IRX1: variants seen among roughly 807,000 people sequenced by gnomAD.
The protein encoded by IRX1 is iroquois-class homeodomain protein IRX-1.
IRX1 carries 22 observed loss-of-function variants against 34.1 expected under a neutral mutation model. That is an observed-to-expected ratio of 0.64 (90% confidence interval 0.46 to 0.92). IRX1 has a LOEUF of 0.92. Among genes scored for constraint, IRX1 ranks in the 40% least tolerant of loss-of-function variants. IRX1 has a pLI of 0.00. For synonymous variants in IRX1, 363 were observed against 319.0 expected (o/e 1.14, Z -1.47); for missense variants, 758 against 680.0 (o/e 1.11, Z -1.28).
At chr5:3,600,383 G>C (rs1455726746) in intron 2 of IRX1, 123 bp downstream of exon 2, 1 of 1,049,944 alleles carries the variant, frequency 9.5e-7, no homozygotes, top group African/African-American at 1.6e-5. Context: ...GAGCCCTGGG[G>C]CTGCGCTTAA....
chr5:3,601,184 CT>C lies in IRX1; in HGVS notation c.*145del. 1 of 817,626 alleles carries C rather than the reference CT, an allele frequency of 1.2e-6. No homozygotes were observed. The allele number at this position is 817,626 out of a possible 1,614,324, so 50.6% of individuals were successfully genotyped here. ...GTCAAGGACTCGCATCCGTCGCTTTCTGCAGAAAGGGGCTTCTTCGGTCCCG... is the reference window on the plus strand; with the variant it reads ...GTCAAGGACTCGCATCCGTCGCTTTCGCAGAAAGGGGCTTCTTCGGTCCCG... On this transcript the variant is annotated 3_prime_UTR_variant, in exon 4 of 4. Transcript: ENST00000302006.
At chr5:3,600,822 C>G (rs530294741) in intron 3 of IRX1, 141 bp downstream of exon 3, 1 of 1,144,498 alleles carries the variant, frequency 8.7e-7, no homozygotes, top group Admixed American at 1.9e-5. Flanking sequence ...CAGCCCTGGG[C>G]GCCGGGCGAG....
rs1455252400 is a variant in IRX1, at chr5:3,601,139, A to G, written c.*99A>G. The G allele has an allele frequency of 1.8e-6, 2 of 1,121,532 alleles. No homozygotes were observed. The highest frequency in any genetic ancestry group is 4.9e-5 in the East Asian group (2 of 40,540). 69.5% of individuals were successfully genotyped at this position (1,121,532 alleles called of 1,614,324 possible). A position where few individuals can be genotyped will look rare whatever the true frequency, so the allele number is the denominator to read the frequency against. ...AGACAAATATTTCAGACTGGTGTAA[A>G]GGACAAATATGACAACGACGTCAAG... On this transcript the variant is annotated 3_prime_UTR_variant, in exon 4 of 4. Transcript: ENST00000302006.
chr5:3,599,355 G>A lies in IRX1; in HGVS notation c.407G>A (p.Arg136His). The A allele has an allele frequency of 6.2e-7, 1 of 1,614,076 alleles. No individual in the cohort carries two copies. The highest frequency in any genetic ancestry group is 8.5e-7 in the Non-Finnish European group (1 of 1,180,020). ...CCCGGGCGGCCCAAGAACGCCACCCGCGAGAGCACCAGCACGCTCAAGGCC... is the reference window on the plus strand; with the variant it reads ...CCCGGGCGGCCCAAGAACGCCACCCACGAGAGCACCAGCACGCTCAAGGCC... ...GDPGRPKNAT[R>H]ESTSTLKAWL... Residue 136 changes from arginine to histidine, a missense_variant, in exon 2 of 4, where the codon CGC becomes CAC. Around this residue, in one of 3 missense-constraint regions of IRX1, gnomAD observed 195 missense variants for 195.0 expected, o/e 1.00. Transcript: ENST00000302006. The surrounding 1 kb of genome is among the most constrained non-coding windows in gnomAD (Gnocchi z 6.6).
rs747250195 is a variant in IRX1, at chr5:3,599,641, C to T, written c.693C>T (p.Asp231=). 9.9e-6 allele frequency: 16 copies of T among 1,613,790 alleles called. No individual in the cohort carries two copies. Among genetic ancestry groups the T allele is most frequent in the South Asian group, 2.2e-5 (2 of 91,080 alleles). The change falls in exon 2 of 4, where the codon GAC becomes GAT. Residue 231 remains aspartate, a synonymous_variant. Transcript: ENST00000302006. The surrounding 1 kb of genome is among the most constrained non-coding windows in gnomAD (Gnocchi z 6.6). ...TCGACCTGGAAAGCATCGACATTGACAAGATCGACGAGCACGATGGCGACC... is the reference window on the plus strand; with the variant it reads ...TCGACCTGGAAAGCATCGACATTGATAAGATCGACGAGCACGATGGCGACC... The part of the protein sequence containing the change: ...EEIDLESIDI[D]KIDEHDGDQS...
Position 3,599,971 on chromosome 5 carries a change from C to T in IRX1, c.1023C>T (p.Pro341=), listed in dbSNP as rs369355630. ...CGCCACCACCACCCGCGGGCCACCCCGGCGCGCACGGGCCCTCCGCCGGGG... is the reference window on the plus strand; with the variant it reads ...CGCCACCACCACCCGCGGGCCACCCTGGCGCGCACGGGCCCTCCGCCGGGG... ...KASPPPPAGH[P]GAHGPSAGAP... The change falls in exon 2 of 4, where the codon CCC becomes CCT. Residue 341 remains proline, a synonymous_variant. Transcript: ENST00000302006. This position sits in a 1 kb window ranked among gnomAD's most constrained non-coding sequence, Gnocchi z 6.6. 9 of 1,508,788 alleles carry T rather than the reference C, an allele frequency of 6.0e-6. No individual in the cohort carries two copies. The highest frequency in any genetic ancestry group is 4.2e-5 in the African/African-American group (3 of 71,570). The allele number at this position is 1,508,788 out of a possible 1,614,324, so 93.5% of individuals were successfully genotyped here.
intron 1 of IRX1, among the ~76,000 whole-genome samples, chr5:3,598,963 C>A (rs569400966): frequency 6.6e-6 from 1 of 152,018 alleles, no homozygotes; most frequent in Non-Finnish European, 1.5e-5. Context: ...GTGGCAAAAA[C>A]GATCTCCACT....
chr5:3,596,175 C>G lies in IRX1; in HGVS notation c.70C>G (p.Arg24Gly). The G allele has an allele frequency of 9.7e-7, 1 of 1,031,876 alleles. No homozygotes were observed. The highest frequency in any genetic ancestry group is 1.2e-6 in the Non-Finnish European group (1 of 862,478). 63.9% of individuals were successfully genotyped at this position (1,031,876 alleles called of 1,614,324 possible). ...GGGGCCGGGCGCCTACGGCGGCGAG[C>G]GCCCGGGGGTGCTGGCCGCGGCCGC... ...AAGPGAYGGERPGVLAAAAAA... is the reference protein window; with the variant it reads ...AAGPGAYGGEGPGVLAAAAAA... Residue 24 changes from arginine (R) to glycine (G), a missense_variant, in exon 1 of 4, where the codon CGC becomes GGC. Arg to Gly is a moderately radical substitution (Grantham distance 125, BLOSUM62 -2). This residue lies in a region of IRX1 where 195 missense variants were observed against 195.0 expected (regional missense o/e 1.00). Transcript: ENST00000302006.
chr5:3,600,357 C>G, intron 2 of IRX1, 97 bp downstream of exon 2: 1 of 1,222,168 alleles, frequency 8.2e-7, no homozygotes, highest in Non-Finnish European at 1.1e-6. Flanking sequence ...CGGGAGGGTA[C>G]CAGGCAGTGG....
rs371361752 is a variant in IRX1 at position 3,599,560 on chromosome 5, G to C, written c.612G>C (p.Ala204=). The C allele has an allele frequency of 2.5e-6, 4 of 1,614,006 alleles. No individual in the cohort carries two copies. The African/African-American group carries it at 4.0e-5, about 16-fold the overall frequency. ...GARSKDQEDG[A]LFGSDTEGDP... is the part of the protein sequence containing the mutation. ...GCAGCAAGGACCAGGAAGATGGAGC[G>C]CTCTTCGGCAGCGACACCGAGGGCG... Residue 204 remains alanine (A), a synonymous_variant, in exon 2 of 4, where the codon GCG becomes GCC. Transcript: ENST00000302006. The surrounding 1 kb of genome is among the most constrained non-coding windows in gnomAD (Gnocchi z 6.6).
At chr5:3,596,487 G>A (rs1743700136) in intron 1 of IRX1, 106 bp downstream of exon 1, 1 of 1,174,516 alleles carries the variant, frequency 8.5e-7, no homozygotes, top group Non-Finnish European at 1.1e-6. Context: ...TGGTCCGGAA[G>A]AGGAACTAGA....
At position 3,600,186 on chromosome 5, in the gene IRX1, A is replaced by T; in HGVS notation, c.1238A>T (p.Gln413Leu). ...GPHLPAPPPP[Q>L]PPVAIAPGAL... ...CACCTTCCTGCACCTCCACCACCGC[A>T]GCCGCCGGTCGCTATTGCCCCGGGG... Residue 413 changes from glutamine to leucine, a missense_variant, in exon 2 of 4, where the codon CAG becomes CTG. Transcript: ENST00000302006. 1 of 1,611,910 alleles carries T rather than the reference A, an allele frequency of 6.2e-7. No individual in the cohort carries two copies. Among genetic ancestry groups the T allele is most frequent in the African/African-American group, 1.3e-5 (1 of 75,050 alleles).
chr5:3,600,718 TG>T, intron 3 of IRX1, 37 bp downstream of exon 3: 1 of 1,290,014 alleles, frequency 7.8e-7, no homozygotes, highest in Non-Finnish European at 1.1e-6. Context: ...GAGAAGGCGG[TG>T]GGGAGGGGGG....
chr5:3,600,532 A>G, intron 2 of IRX1, 77 bp from the exon 3 acceptor site: 3 of 1,340,810 alleles, frequency 2.2e-6, no homozygotes, highest in Non-Finnish European at 3.2e-6. Flanking sequence ...CAGCCGGCAG[A>G]AGTTGGTGGG....
rs1184051517 is a variant in IRX1, at chr5:3,599,765, G to A, written c.817G>A (p.Asp273Asn). ...CCAAGGCTCGCCGCTGGCAGCAGCC[G>A]ACGTTCTCAAGCCCCAGGACTCGCC... ...RDQGSPLAAA[D>N]VLKPQDSPLG... The change falls in exon 2 of 4, where the codon GAC becomes AAC. Residue 273 changes from aspartate to asparagine, a missense_variant. By Grantham distance (23) the Asp-to-Asn change is conservative. Coordinates refer to ENST00000302006, the MANE Select transcript of IRX1 (RefSeq NM_024337.4). This position sits in a 1 kb window ranked among gnomAD's most constrained non-coding sequence, Gnocchi z 6.6. 6.2e-7 allele frequency: 1 copy of A among 1,609,544 alleles called. No individual in the cohort carries two copies. Among genetic ancestry groups the A allele is most frequent in the Non-Finnish European group, 8.5e-7 (1 of 1,178,816 alleles).
At chr5:3,596,468 G>C (rs1580009977) in intron 1 of IRX1, 87 bp downstream of exon 1, 1 of 1,261,786 alleles carries the variant, frequency 7.9e-7, no homozygotes, top group Non-Finnish European at 1.0e-6. Flanking sequence ...GAGAGACTAC[G>C]GGTGGACCTG....
intron 1 of IRX1, 47 bp downstream of exon 1, chr5:3,596,428 C>G (rs1425401355): frequency 2.8e-6 from 4 of 1,423,702 alleles, no homozygotes; most frequent in East Asian, 3.0e-5. Context: ...TCACCCGCGC[C>G]AGGGCAAGGG....
In IRX1 at chr5:3,599,721, C is replaced by T. The variant is rs777536117; in HGVS notation, c.773C>T (p.Pro258Leu). ...GAGGCTCCGCACGCGCCCGCAGCCC[C>T]TTCTGCTCTTGCCCGGGACCAAGGC... is the stretch of plus-strand genomic sequence containing the variant. The part of the protein sequence containing the change: ...KAEAPHAPAA[P>L]SALARDQGSP... Residue 258 changes from proline (P) to leucine (L), a missense_variant, in exon 2 of 4, where the codon CCT (proline) becomes CTT (leucine). By Grantham distance (98) the Pro-to-Leu change is moderately conservative. Coordinates refer to ENST00000302006, the MANE Select transcript of IRX1 (RefSeq NM_024337.4). The surrounding 1 kb of genome is among the most constrained non-coding windows in gnomAD (Gnocchi z 6.6). The T allele has an allele frequency of 5.3e-5, 85 of 1,612,456 alleles. No individual in the cohort carries two copies. The South Asian group carries it at 7.2e-4, about 14-fold the overall frequency.
chr5:3,595,877 G>C lies in IRX1; in HGVS notation c.-229G>C, dbSNP rs562545124. 1.3e-5 allele frequency among the ~76,000 whole-genome samples: 2 copies of C among 151,166 alleles called. No individual in the cohort carries two copies. The highest frequency in any genetic ancestry group is 4.8e-5 in the African/African-American group (2 of 41,450). ...CGAGCGGAGGGCGGCCGCCGCAGTC[G>C]GCGCGCGATTGCGGATCCGGGCGCA... is the stretch of plus-strand genomic sequence containing the variant. On this transcript the variant is annotated 5_prime_UTR_variant, in exon 1 of 4. Coordinates refer to ENST00000302006, the MANE Select transcript of IRX1 (RefSeq NM_024337.4).
Sources: allele counts gnomAD v4.1 joint callset (sites outside exome capture counted in the v4.1 genomes callset), GRCh38; gene constraint gnomAD v4.1.1; regional missense constraint gnomAD v4.1.1; non-coding constraint Gnocchi (gnomAD v3.1); transcripts MANE v1.5; gene names NCBI Gene and HGNC (gene_info 2026-07-23, HGNC 2026-07-21).